Variants in LRFN5 observed in about 807,000 individuals in gnomAD.
LRFN5 encodes the protein leucine rich repeat and fibronectin type III domain containing 5.
A neutral mutation model predicts 45.6 loss-of-function variants in LRFN5; 24 were observed. The ratio of observed to expected loss-of-function variants is 0.53; its 90% CI spans 0.38 to 0.74. The LOEUF (loss-of-function observed/expected upper bound fraction) is 0.74. LRFN5 is among the 30% of genes least tolerant of loss of function. The pLI is 0.00. For missense variants in LRFN5, 776 were observed against 861.5 expected (o/e 0.90, Z 1.24); for synonymous variants, 340 against 313.8 (o/e 1.08, Z -0.88).
chr14:41,893,670 C>T (rs914927504), intron 4 of LRFN5: 1 of 985,088 alleles, frequency 1.0e-6, no homozygotes, highest in African/African-American at 1.7e-5. Context: ...AAAGCCACAT[C>T]TTCTGATACA....
intron 1 of LRFN5, among the ~76,000 whole-genome samples, chr14:41,758,807 A>G (rs182707071): frequency 4.1e-4 from 62 of 152,270 alleles, no homozygotes; most frequent in Middle Eastern, 3.4e-3. Context: ...TGACCTCTCT[A>G]TCGAAATAAT....
chr14:41,707,924 C>T (rs1482308561), intron 1 of LRFN5, among the ~76,000 whole-genome samples: 1 of 151,834 alleles, frequency 6.6e-6, no homozygotes, highest in East Asian at 1.9e-4. Flanking sequence ...AGGTATTGAC[C>T]TAATTAAAAG....
intron 2 of LRFN5, among the ~76,000 whole-genome samples, chr14:41,861,876 A>G (rs1013073545): frequency 2.6e-5 from 4 of 152,084 alleles, no homozygotes; most frequent in African/African-American, 9.7e-5. Context: ...CTGCCTATTG[A>G]TGTGGTTTGG....
intron 1 of LRFN5, among the ~76,000 whole-genome samples, chr14:41,759,232 T>A (rs1885543211): frequency 6.6e-6 from 1 of 152,318 alleles, no homozygotes; most frequent in African/African-American, 2.4e-5. Flanking sequence ...CCCATATTGC[T>A]TTTCAGAATA....
chr14:41,610,865 AC>A (rs1037895143), intron 1 of LRFN5, among the ~76,000 whole-genome samples: 2 of 151,896 alleles, frequency 1.3e-5, no homozygotes, highest in African/African-American at 4.8e-5. Context: ...TAAACGTCTG[AC>A]AAGGACCCCA....
chr14:41,681,835 T>C (rs1010844229), intron 1 of LRFN5, among the ~76,000 whole-genome samples: 6 of 150,810 alleles, frequency 4.0e-5, no homozygotes, highest in Non-Finnish European at 7.4e-5. Flanking sequence ...TTTTTTTTTT[T>C]TGTGATGGAG....
chr14:41,847,290 T>C (rs1889102419), intron 2 of LRFN5, among the ~76,000 whole-genome samples: 1 of 152,158 alleles, frequency 6.6e-6, no homozygotes, highest in Non-Finnish European at 1.5e-5. Context: ...CTGACTTCTA[T>C]ATTCCTTCAT....
At chr14:41,797,561 C>G (rs1424031331) in intron 2 of LRFN5, among the ~76,000 whole-genome samples, 1 of 151,476 alleles carries the variant, frequency 6.6e-6, no homozygotes, top group Non-Finnish European at 1.5e-5. Flanking sequence ...AGTTTCTTAG[C>G]TAAATTAGTA....
At chr14:41,732,788 A>G (rs1434170442) in intron 1 of LRFN5, among the ~76,000 whole-genome samples, 1 of 151,966 alleles carries the variant, frequency 6.6e-6, no homozygotes, top group East Asian at 1.9e-4. Context: ...CTAGACAAAA[A>G]AAAAATCTGT....
chr14:41,894,902 A>C, intron 4 of LRFN5: 3 of 983,744 alleles, frequency 3.0e-6, no homozygotes, highest in Non-Finnish European at 3.6e-6. Flanking sequence ...TTAAACAGTC[A>C]TATATATGTG....
chr14:41,789,717 C>T (rs1026627765), intron 2 of LRFN5, among the ~76,000 whole-genome samples: 2 of 151,958 alleles, frequency 1.3e-5, no homozygotes, highest in African/African-American at 4.8e-5. Flanking sequence ...ATTATGTGTG[C>T]TGTTCTTTTC....
At chr14:41,874,662 G>T (rs1890128631) in intron 2 of LRFN5, among the ~76,000 whole-genome samples, 3 of 152,248 alleles carry the variant, frequency 2.0e-5, no homozygotes, top group African/African-American at 7.2e-5. Flanking sequence ...CCTGGGGAAT[G>T]TACCTTTCAC....
intron 2 of LRFN5, among the ~76,000 whole-genome samples, chr14:41,827,676 G>A (rs776580512): frequency 3.3e-5 from 5 of 151,816 alleles, no homozygotes; most frequent in Admixed American, 6.6e-5. Flanking sequence ...CCTGCTACTC[G>A]TTAACCAATT....
intron 1 of LRFN5, among the ~76,000 whole-genome samples, chr14:41,745,091 C>A (rs1158447952): frequency 6.6e-6 from 1 of 151,970 alleles, no homozygotes; most frequent in African/African-American, 2.4e-5. Context: ...TCAAGTTCAC[C>A]CAAGACATTT....
intron 2 of LRFN5, among the ~76,000 whole-genome samples, chr14:41,849,480 C>T (rs1416671776): frequency 6.6e-6 from 1 of 151,738 alleles, no homozygotes; most frequent in African/African-American, 2.4e-5. Flanking sequence ...TTTTCAGACT[C>T]TGCCAGACTG....
At chr14:41,660,387 A>T (rs1236829032) in intron 1 of LRFN5, among the ~76,000 whole-genome samples, 1 of 152,080 alleles carries the variant, frequency 6.6e-6, no homozygotes, top group Non-Finnish European at 1.5e-5. Flanking sequence ...CTGCTGGATC[A>T]AAATGTTTGA....
chr14:41,674,876 G>A (rs1223656985), intron 1 of LRFN5, among the ~76,000 whole-genome samples: 2 of 149,752 alleles, frequency 1.3e-5, no homozygotes, highest in South Asian at 2.1e-4. Context: ...GGGTCTCCTC[G>A]CTTCTCAGAC....
chr14:41,839,929 T>A (rs1888801305), intron 2 of LRFN5, among the ~76,000 whole-genome samples: 1 of 152,140 alleles, frequency 6.6e-6, no homozygotes, highest in Non-Finnish European at 1.5e-5. Context: ...ACAGGCATGC[T>A]GTTTGTACTA....
At chr14:41,889,453 A>G (rs1890703968) in intron 3 of LRFN5, among the ~76,000 whole-genome samples, 1 of 152,126 alleles carries the variant, frequency 6.6e-6, no homozygotes. Context: ...TTGTCATACC[A>G]GGCTCTTCAC....
Sources: gnomAD v4.1 joint callset for allele counts (sites outside exome capture counted in the v4.1 genomes callset) on GRCh38, gnomAD v4.1.1 for gene constraint, MANE v1.5 for transcripts, NCBI Gene and HGNC (gene_info 2026-07-23, HGNC 2026-07-21) for gene names.